Variants in SH3TC2 observed in about 807,000 individuals in gnomAD.
SH3TC2 encodes SH3 domain and tetratricopeptide repeats 2.
Under a neutral mutation model 124.5 loss-of-function variants are expected in SH3TC2, and 87 were observed. That is an observed-to-expected ratio of 0.70 (90% CI 0.59 to 0.84). The LOEUF is 0.84. SH3TC2 is among the 40% of genes least tolerant of loss of function. The pLI, the probability that SH3TC2 is intolerant of heterozygous loss-of-function variation, is 0.00. For synonymous variants in SH3TC2, 634 were observed against 628.5 expected, an observed-to-expected ratio of 1.01 and a Z score of -0.13; for missense variants, 1,536 against 1,566.4, an observed-to-expected ratio of 0.98 and a Z score of 0.33.
chr5:149,004,987 G>GTT (rs201226305), intron 16 of SH3TC2, 85 bp from the exon 17 acceptor site: 179 of 1,356,278 alleles, frequency 1.3e-4, no homozygotes, highest in Middle Eastern at 2.4e-4. Context: ...GGCCACTCTA[G>GTT]TTTTTTTTGT....
intron 1 of SH3TC2, among the ~76,000 whole-genome samples, chr5:149,054,496 G>A (rs1286519737): frequency 6.6e-6 from 1 of 152,184 alleles, no homozygotes; most frequent in Non-Finnish European, 1.5e-5. Context: ...ACTTGGAGTA[G>A]CAGCCTGCTT....
At position 148,989,930 on chromosome 5, in the gene SH3TC2, G is replaced by A. The variant is rs886060117; in HGVS notation, c.*14781C>T. On this transcript the variant is annotated 3_prime_UTR_variant, in exon 17 of 17. Coordinates refer to ENST00000515425, the MANE Select transcript of SH3TC2 (RefSeq NM_024577.4). ...TAACAGAAAAGAATGAGTTCTTGGG[G>A]TGTGGGGATACACAAGTGTGTGCAT... Among the ~76,000 whole-genome samples, 1 of 152,148 alleles carries A rather than the reference G, an allele frequency of 6.6e-6. No homozygotes were observed. The highest frequency in any genetic ancestry group is 2.4e-5 in the African/African-American group (1 of 41,432).
intron 7 of SH3TC2, among the ~76,000 whole-genome samples, chr5:149,038,968 T>TC: frequency 6.6e-6 from 1 of 152,140 alleles, no homozygotes; most frequent in South Asian, 2.1e-4. Context: ...ACCCTCAGTC[T>TC]CCCCAACTGG....
chr5:149,026,388 A>G, intron 12 of SH3TC2, 184 bp downstream of exon 12: 1 of 657,456 alleles, frequency 1.5e-6, no homozygotes, highest in Non-Finnish European at 2.6e-6. Flanking sequence ...GAAATTAAAT[A>G]GCTTGCCCAA....
At position 148,993,978 on chromosome 5, in the gene SH3TC2, A is replaced by G. The variant is rs1339943628; in HGVS notation, c.*10733T>C. 6.6e-6 allele frequency among the ~76,000 whole-genome samples: 1 copy of G among 152,248 alleles called. No individual in the cohort carries two copies. Among genetic ancestry groups the G allele is most frequent in the Non-Finnish European group, 1.5e-5 (1 of 68,042 alleles). ...CACACAACAATCCCATGAGATAAGT[A>G]CTATTATCATCTCCATTTGCCAATG... On this transcript the variant is annotated 3_prime_UTR_variant, in exon 17 of 17. Coordinates refer to ENST00000515425, the MANE Select transcript of SH3TC2 (RefSeq NM_024577.4).
rs535822101 is a variant in SH3TC2 at position 148,993,284 on chromosome 5, C to T, written c.*11427G>A. On this transcript the variant is annotated 3_prime_UTR_variant, in exon 17 of 17. Coordinates refer to ENST00000515425, the MANE Select transcript of SH3TC2 (RefSeq NM_024577.4). Reference sequence around the variant, plus strand: ...ATTTGACTTAGTAGAAATAAAACTACGATGGAAAATTCAGTGGCAGAAGCT... The same window carrying T: ...ATTTGACTTAGTAGAAATAAAACTATGATGGAAAATTCAGTGGCAGAAGCT... 6.5e-4 allele frequency among the ~76,000 whole-genome samples: 99 copies of T among 152,140 alleles called. No individual in the cohort carries two copies. The highest frequency in any genetic ancestry group is 2.2e-3 in the African/African-American group (93 of 41,500).
At position 148,988,158 on chromosome 5, in the gene SH3TC2, G is replaced by A. The variant is rs1400919104; in HGVS notation, c.*16553C>T. ...ACTCTATGCACACAGGCTAGAAGTT[G>A]AGTGGTGGAAGATTCAAGAGAACAA... On this transcript the variant is annotated 3_prime_UTR_variant, in exon 17 of 17. Transcript: ENST00000515425. Among the ~76,000 whole-genome samples, 1 of 152,184 alleles carries A rather than the reference G, an allele frequency of 6.6e-6. No individual in the cohort carries two copies. Among genetic ancestry groups the A allele is most frequent in the African/African-American group, 2.4e-5 (1 of 41,434 alleles).
intron 15 of SH3TC2, chr5:149,007,630 A>C (rs1309161810): frequency 2.0e-5 from 4 of 197,230 alleles, no homozygotes; most frequent in African/African-American, 9.3e-5. Context: ...GTCTCAGATA[A>C]GCTACAAACA....
chr5:149,026,699 T>G lies in SH3TC2; in HGVS notation c.2926A>C (p.Asn976His). 6.2e-7 allele frequency: 1 copy of G among 1,614,148 alleles called. No homozygotes were observed. ...LCHFYSSVSP[N>H]PEACITYHEH... ...TGGTAGGTGATGCATGCCTCAGGGT[T>G]TGGGGACACAGAGCTGTAGAAATGG... Residue 976 changes from asparagine to histidine, a missense_variant, in exon 12 of 17, where the codon AAC (asparagine) becomes CAC (histidine). By Grantham distance (68) the Asn-to-His change is moderately conservative. Around this residue, in one of 3 missense-constraint regions of SH3TC2, gnomAD observed 426 missense variants for 443.5 expected, o/e 0.96. Coordinates refer to ENST00000515425, the MANE Select transcript of SH3TC2 (RefSeq NM_024577.4).
intron 3 of SH3TC2, chr5:149,045,010 C>G (rs775635256): frequency 5.5e-6 from 1 of 181,590 alleles, no homozygotes; most frequent in Non-Finnish European, 1.2e-5. Context: ...GGATAAAGGA[C>G]GCTGATTCAT....
At position 149,039,597 on chromosome 5, in the gene SH3TC2, C is replaced by T. The variant is rs549548420; in HGVS notation, c.805+1007G>A. 2.0e-5 allele frequency among the ~76,000 whole-genome samples: 3 copies of T among 152,286 alleles called. No homozygotes were observed. In the South Asian group the frequency reaches 6.2e-4, roughly 32 times the overall value. On this transcript the variant is annotated intron_variant, in intron 7 of 16. Transcript: ENST00000515425. Reference sequence around the variant, plus strand: ...GGATCTACCATGTGTTAAATATCTACATTGTAAGAGAAACTGTGCAAAGTG... The same window carrying T: ...GGATCTACCATGTGTTAAATATCTATATTGTAAGAGAAACTGTGCAAAGTG...
intron 8 of SH3TC2, among the ~76,000 whole-genome samples, chr5:149,032,664 C>T (rs1754216728): frequency 6.6e-6 from 1 of 152,168 alleles, no homozygotes; most frequent in Admixed American, 6.5e-5. Flanking sequence ...GACGAATAAA[C>T]TGAGGCACAG....
In SH3TC2 at chr5:148,993,604, G is replaced by C. The variant is rs372429535; in HGVS notation, c.*11107C>G. 6.6e-6 allele frequency among the ~76,000 whole-genome samples: 1 copy of C among 152,102 alleles called. No homozygotes were observed. The highest frequency in any genetic ancestry group is 1.5e-5 in the Non-Finnish European group (1 of 68,010). ...AGCAATATATCACGGAGGTCAAAAC[G>C]TCTGCCAGACTAAACATAGGTTCAA... On this transcript the variant is annotated 3_prime_UTR_variant, in exon 17 of 17. Coordinates refer to ENST00000515425, the MANE Select transcript of SH3TC2 (RefSeq NM_024577.4).
intron 7 of SH3TC2, among the ~76,000 whole-genome samples, chr5:149,039,646 G>C (rs971993471): frequency 6.6e-6 from 1 of 152,180 alleles, no homozygotes; most frequent in Non-Finnish European, 1.5e-5. Flanking sequence ...ATTTTGTTTG[G>C]TTCTCATAAC....
Position 149,004,479 on chromosome 5 carries a change from C to A in SH3TC2, c.*232G>T, listed in dbSNP as rs1042533497. The stretch of plus-strand genomic sequence containing the variant: ...GTTTGTGTGGAAGGCAACAGTCAAC[C>A]GGTAAAGGCTCCAGATGCAAAGCCT... On this transcript the variant is annotated 3_prime_UTR_variant, in exon 17 of 17. Coordinates refer to ENST00000515425, the MANE Select transcript of SH3TC2 (RefSeq NM_024577.4). The A allele has an allele frequency of 7.2e-6, 4 of 556,898 alleles. No homozygotes were observed. The highest frequency in any genetic ancestry group is 1.3e-5 in the Non-Finnish European group (4 of 313,932). The allele number at this position is 556,898 out of a possible 1,614,324, so 34.5% of individuals were successfully genotyped here. A position where few individuals can be genotyped will look rare whatever the true frequency, so the allele number is the denominator to read the frequency against.
chr5:149,023,360 A>C (rs1400671488), intron 12 of SH3TC2, among the ~76,000 whole-genome samples: 7 of 152,232 alleles, frequency 4.6e-5, no homozygotes, highest in Non-Finnish European at 1.0e-4. Flanking sequence ...TAGACATTTT[A>C]TCATGATTCC....
chr5:149,040,894 G>T (rs769858091), intron 6 of SH3TC2, among the ~76,000 whole-genome samples: 17 of 152,184 alleles, frequency 1.1e-4, no homozygotes, highest in Admixed American at 2.0e-4. Flanking sequence ...AAAGTAGTTT[G>T]TCAGTTAAAT....
rs1753479028 is a variant in SH3TC2, at chr5:148,994,717, T to TGGAC, written c.*9993_*9994insGTCC. 6.6e-6 allele frequency among the ~76,000 whole-genome samples: 1 copy of TGGAC among 151,474 alleles called. No individual in the cohort carries two copies. Among genetic ancestry groups the TGGAC allele is most frequent in the African/African-American group, 2.4e-5 (1 of 41,128 alleles). On this transcript the variant is annotated 3_prime_UTR_variant, in exon 17 of 17. Transcript: ENST00000515425. Reference sequence around the variant, plus strand: ...ATGGAAGGATGGATGGATGGATGGATGGATGGATGGATGGATGGATGAATA... The same window carrying TGGAC: ...ATGGAAGGATGGATGGATGGATGGATGGACGGATGGATGGATGGATGGATGAATA...
chr5:149,026,612 C>A lies in SH3TC2; in HGVS notation c.3013G>T (p.Glu1005Ter), dbSNP rs147895061. The A allele has an allele frequency of 1.2e-6, 2 of 1,614,084 alleles. No homozygotes were observed. The highest frequency in any genetic ancestry group is 1.7e-6 in the Non-Finnish European group (2 of 1,180,044). The change falls in exon 12 of 17, where the codon GAG becomes TAG. Residue 1005 changes from glutamate (E) to a stop codon, truncating the protein, a stop_gained. Coordinates refer to ENST00000515425, the MANE Select transcript of SH3TC2 (RefSeq NM_024577.4). LOFTEE classifies it high-confidence loss of function. ...RDREMEGRLL[E>*]SLGQLYRNLN... is the part of the protein sequence containing the mutation. ...TTCCGATAAAGCTGCCCCAGGGACT[C>A]CAGCAGCCTCCCTTCCATCTCCCGG...
Sources: gnomAD v4.1 joint callset for allele counts (sites outside exome capture counted in the v4.1 genomes callset) on GRCh38, gnomAD v4.1.1 for gene constraint, gnomAD v4.1.1 regional missense constraint, MANE v1.5 for transcripts, NCBI Gene and HGNC (gene_info 2026-07-23, HGNC 2026-07-21) for gene names.